PCDHGA3: variants seen among roughly 807,000 people sequenced by gnomAD.
PCDHGA3 encodes the protein protocadherin gamma subfamily A, 3, also known as protocadherin gamma-A3.
A neutral mutation model predicts 58.5 loss-of-function variants in PCDHGA3; 40 were observed. The observed-to-expected ratio is 0.68, with a 90% CI of 0.53 to 0.89. The LOEUF (loss-of-function observed/expected upper bound fraction) is 0.89. Ranked by LOEUF, PCDHGA3 falls within the 40% of genes least tolerant of loss-of-function variation. PCDHGA3 has a pLI of 0.00. For missense variants in PCDHGA3, 1,223 were observed against 1,195.9 expected (o/e 1.02, Z -0.33); for synonymous variants, 530 against 525.7 (o/e 1.01, Z -0.11).
At chr5:141,497,742 T>C (rs2099779149) in intron 2 of PCDHGA3, among the ~76,000 whole-genome samples, 1 of 152,128 alleles carries the variant, frequency 6.6e-6, no homozygotes, top group South Asian at 2.1e-4. Context: ...TTTCGCCACG[T>C]TGGCCAGGCT....
chr5:141,387,998 C>A, intron 1 of PCDHGA3: 1 of 1,485,206 alleles, frequency 6.7e-7, no homozygotes, highest in South Asian at 1.3e-5. Flanking sequence ...ACAGGATTCC[C>A]GAGGAAATGC....
Position 141,485,605 on chromosome 5 carries a change from G to A in PCDHGA3, c.2425-9202G>A. On this transcript the variant is annotated intron_variant, in intron 1 of 3. Transcript: ENST00000253812. This position sits in a 1 kb window ranked among gnomAD's most constrained non-coding sequence, Gnocchi z 5.7. The stretch of plus-strand genomic sequence containing the variant: ...AGCAGCTGGACTTGGAAATTGGGGA[G>A]GCAGCTCCTCCAGGACAGCGTTTCC... 6.2e-7 allele frequency: 1 copy of A among 1,612,448 alleles called. No homozygotes were observed. Among genetic ancestry groups the A allele is most frequent in the Non-Finnish European group, 8.5e-7 (1 of 1,178,750 alleles).
At chr5:141,438,739 G>A (rs1264194876) in intron 1 of PCDHGA3, among the ~76,000 whole-genome samples, 1 of 149,040 alleles carries the variant, frequency 6.7e-6, no homozygotes, top group African/African-American at 2.5e-5. Context: ...TCAGCTCACT[G>A]CAACCTCTGC....
intron 1 of PCDHGA3, chr5:141,395,544 G>GTTTGTT (rs70988801): frequency 1.5e-3 from 17 of 11,560 alleles, no homozygotes; most frequent in African/African-American, 4.5e-3. Flanking sequence ...GCTATTGTTT[G>GTTTGTT]TGTGTGTGTG....
intron 1 of PCDHGA3, chr5:141,375,274 A>G: frequency 1.9e-6 from 3 of 1,613,898 alleles, no homozygotes; most frequent in Non-Finnish European, 2.5e-6. Context: ...TGGAAAAATC[A>G]GTTGGCAATT....
intron 1 of PCDHGA3, among the ~76,000 whole-genome samples, chr5:141,471,913 G>A (rs1307168228): frequency 6.6e-6 from 1 of 152,164 alleles, no homozygotes. Context: ...CAAGCATGAG[G>A]GAAATTTTGG....
rs1329158220 is a variant in PCDHGA3, at chr5:141,413,339, A to G, written c.2424+66882A>G. On this transcript the variant is annotated intron_variant, in intron 1 of 3. Coordinates refer to ENST00000253812, the MANE Select transcript of PCDHGA3 (RefSeq NM_018916.4). Reference sequence around the variant, plus strand: ...TCTTTCGTGGGCAACATCTCCAAGGACTTGGGTCTGGCGCCCCGGGAGCTG... The same window carrying G: ...TCTTTCGTGGGCAACATCTCCAAGGGCTTGGGTCTGGCGCCCCGGGAGCTG... The G allele has an allele frequency of 1.3e-5, 21 of 1,613,832 alleles. No individual in the cohort carries two copies. Among genetic ancestry groups the G allele is most frequent in the African/African-American group, 2.7e-5 (2 of 74,940 alleles).
intron 2 of PCDHGA3, among the ~76,000 whole-genome samples, chr5:141,502,865 T>C (rs538731947): frequency 3.0e-5 from 4 of 131,428 alleles, no homozygotes; most frequent in Non-Finnish European, 6.3e-5. Context: ...TGACTCTCTG[T>C]CTTTTTTTTT....
intron 1 of PCDHGA3, chr5:141,377,681 T>C (rs1458996309): frequency 6.6e-6 from 1 of 152,182 alleles, no homozygotes; most frequent in Non-Finnish European, 1.5e-5. Flanking sequence ...ACAAGAGATC[T>C]TTCACCTTTA....
intron 1 of PCDHGA3, chr5:141,375,317 C>T: frequency 1.2e-6 from 2 of 1,613,790 alleles, no homozygotes; most frequent in Non-Finnish European, 8.5e-7. Flanking sequence ...AGCTCTAGAC[C>T]GGGAAGAGGT....
intron 1 of PCDHGA3, chr5:141,417,918 T>C (rs1371704441): frequency 1.2e-6 from 2 of 1,605,528 alleles, no homozygotes; most frequent in Non-Finnish European, 8.5e-7. Context: ...CTATTTCCTT[T>C]GCTGCTGCCT....
At chr5:141,376,675 C>CTTT in intron 1 of PCDHGA3, 7 of 345,068 alleles carry the variant, frequency 2.0e-5, no homozygotes, top group Admixed American at 4.8e-5. Context: ...GTGAGGGTAT[C>CTTT]GTTTTTTTTT....
chr5:141,368,244 T>G (rs1016552199), intron 1 of PCDHGA3, among the ~76,000 whole-genome samples: 4 of 152,156 alleles, frequency 2.6e-5, no homozygotes, highest in Non-Finnish European at 5.9e-5. Flanking sequence ...CTCAACCACA[T>G]GAAAGGTTAA....
chr5:141,410,019 A>C, intron 1 of PCDHGA3: 2 of 1,613,204 alleles, frequency 1.2e-6, no homozygotes, highest in African/African-American at 2.7e-5. Context: ...TGGCTGTCCT[A>C]CCACGTGCTG....
At chr5:141,446,132 TA>T (rs1252851903) in intron 1 of PCDHGA3, among the ~76,000 whole-genome samples, 1 of 152,204 alleles carries the variant, frequency 6.6e-6, no homozygotes, top group African/African-American at 2.4e-5. Context: ...CAATAAGACT[TA>T]ATAATGGAAT....
rs768132114 is a variant in PCDHGA3 at position 141,489,845 on chromosome 5, G to A, written c.2425-4962G>A. 5 of 1,614,188 alleles carry A rather than the reference G, an allele frequency of 3.1e-6. No homozygotes were observed. The highest frequency in any genetic ancestry group is 2.2e-5 in the South Asian group (2 of 91,088). On this transcript the variant is annotated intron_variant, in intron 1 of 3. Transcript: ENST00000253812. This position sits in a 1 kb window ranked among gnomAD's most constrained non-coding sequence, Gnocchi z 4.5. ...CTGGTGCTAGAGCAGCAGCTGGATC[G>A]TGAAGCCCAGGCAAGACATCAGCTG...
intron 1 of PCDHGA3, among the ~76,000 whole-genome samples, chr5:141,445,851 A>G (rs957077325): frequency 2.0e-5 from 3 of 152,210 alleles, no homozygotes; most frequent in African/African-American, 7.2e-5. Context: ...CACACTTAAA[A>G]TTCTGGATTT....
chr5:141,453,318 AG>A (rs1299190594), intron 1 of PCDHGA3, among the ~76,000 whole-genome samples: 2 of 151,458 alleles, frequency 1.3e-5, no homozygotes, highest in Non-Finnish European at 2.9e-5. Context: ...TTTATTTTAG[AG>A]ATGGGGTCTC....
chr5:141,410,083 C>T (rs752701599), intron 1 of PCDHGA3: 102 of 1,612,590 alleles, frequency 6.3e-5, no homozygotes, highest in Non-Finnish European at 4.7e-5. Flanking sequence ...GGGAGGTGCG[C>T]ACGGCTCGAG....
Sources: allele counts gnomAD v4.1 joint callset (sites outside exome capture counted in the v4.1 genomes callset), GRCh38; gene constraint gnomAD v4.1.1; non-coding constraint Gnocchi (gnomAD v3.1); transcripts MANE v1.5; gene names NCBI Gene and HGNC (gene_info 2026-07-23, HGNC 2026-07-21).